Variants in KCND3 observed in about 807,000 individuals in gnomAD.
KCND3 encodes the protein potassium voltage-gated channel subfamily D member 3.
KCND3 carries 9 observed loss-of-function variants against 51.1 expected under a neutral mutation model. The observed-to-expected ratio is 0.18, with a 90% CI of 0.11 to 0.31. The LOEUF (loss-of-function observed/expected upper bound fraction) is 0.31. Ranked by LOEUF, KCND3 falls within the 10% of genes least tolerant of loss-of-function variation. The probability of loss-of-function intolerance (pLI) is 1.00; values close to 1 mark genes in which losing one functional copy is unlikely to be tolerated. For missense variants in KCND3, 526 were observed against 903.8 expected, an observed-to-expected ratio of 0.58 and a Z score of 5.36; for synonymous variants, 349 against 368.0, an observed-to-expected ratio of 0.95 and a Z score of 0.59.
chr1:111,771,611 T>C lies in KCND3; in HGVS notation c.*4466A>G, dbSNP rs1433498762. The stretch of plus-strand genomic sequence containing the variant: ...AGGAAAAACTCTTAAGTACATAATG[T>C]CCCAATGTACATTTTCCTTGTCTAC... On this transcript the variant is annotated 3_prime_UTR_variant, in exon 8 of 8. Transcript: ENST00000302127. 6.6e-6 allele frequency: 1 copy of C among 152,222 alleles called. No homozygotes were observed. The highest frequency in any genetic ancestry group is 1.9e-4 in the East Asian group (1 of 5,208). The allele number at this position is 152,222 out of a possible 1,614,324, so 9.4% of individuals were successfully genotyped here. A position where few individuals can be genotyped will look rare whatever the true frequency, so the allele number is the denominator to read the frequency against.
chr1:111,868,361 G>A (rs1049599623), intron 2 of KCND3, among the ~76,000 whole-genome samples: 13 of 152,146 alleles, frequency 8.5e-5, no homozygotes, highest in African/African-American at 3.1e-4. Context: ...CCCAGTGCTC[G>A]TGTTTAGGTA....
chr1:111,816,917 C>T lies in KCND3; in HGVS notation c.1107-29811G>A, dbSNP rs530682954. 7.9e-5 allele frequency among the ~76,000 whole-genome samples: 12 copies of T among 152,314 alleles called. No homozygotes were observed. The East Asian group carries it at 2.3e-3, about 29-fold the overall frequency. ...GGAAGCAACTGAGCTCTGAGACGCG[C>T]CTGTGTCTGGTGCAGTCCACAAGCA... On this transcript the variant is annotated intron_variant, in intron 2 of 7. Transcript: ENST00000302127.
chr1:111,856,876 G>T (rs1668098982), intron 2 of KCND3: 1 of 152,276 alleles, frequency 6.6e-6, no homozygotes, highest in African/African-American at 2.4e-5. Flanking sequence ...AGGAAGAGGG[G>T]GAGGGCCTCT....
intron 2 of KCND3, among the ~76,000 whole-genome samples, chr1:111,934,218 G>T (rs887202663): frequency 8.5e-5 from 13 of 152,158 alleles, no homozygotes; most frequent in Admixed American, 3.9e-4. Flanking sequence ...CAGCTGAAAG[G>T]CCTGCCCAAG....
intron 2 of KCND3, among the ~76,000 whole-genome samples, chr1:111,830,294 G>A (rs971592788): frequency 6.6e-6 from 1 of 152,168 alleles, no homozygotes; most frequent in Non-Finnish European, 1.5e-5. Flanking sequence ...CCAGATAAAG[G>A]CCTGTTTCTT....
chr1:111,890,105 T>C (rs1669761244), intron 2 of KCND3, among the ~76,000 whole-genome samples: 1 of 152,138 alleles, frequency 6.6e-6, no homozygotes, highest in South Asian at 2.1e-4. Context: ...GCTTTGCCTC[T>C]GGATGAAATG....
chr1:111,820,948 A>G (rs909663186), intron 2 of KCND3, among the ~76,000 whole-genome samples: 3 of 152,128 alleles, frequency 2.0e-5, no homozygotes, highest in African/African-American at 7.2e-5. Context: ...CTCCCTGAGA[A>G]CCTTCCAAGA....
At chr1:111,936,665 G>A (rs1672238155) in intron 2 of KCND3, among the ~76,000 whole-genome samples, 1 of 152,226 alleles carries the variant, frequency 6.6e-6, no homozygotes. Flanking sequence ...TTCACTGTGT[G>A]GGTGAGAGGC....
intron 2 of KCND3, among the ~76,000 whole-genome samples, chr1:111,834,059 A>G (rs1415670507): frequency 6.6e-6 from 1 of 152,210 alleles, no homozygotes; most frequent in Non-Finnish European, 1.5e-5. Context: ...TGAGATGGCC[A>G]CTTGAAGAGG....
At chr1:111,782,393 G>A (rs989373071) in intron 3 of KCND3, among the ~76,000 whole-genome samples, 2 of 151,694 alleles carry the variant, frequency 1.3e-5, no homozygotes, top group African/African-American at 4.9e-5. Flanking sequence ...TGATGAAGGA[G>A]AGAATAAAAA....
intron 2 of KCND3, among the ~76,000 whole-genome samples, chr1:111,797,356 T>C (rs1665099679): frequency 6.6e-6 from 1 of 152,150 alleles, no homozygotes; most frequent in African/African-American, 2.4e-5. Flanking sequence ...TGCCTGTTCA[T>C]CCAGAGGGAT....
chr1:111,940,195 G>GTT (rs922509636), intron 2 of KCND3, among the ~76,000 whole-genome samples: 4 of 138,442 alleles, frequency 2.9e-5, no homozygotes, highest in African/African-American at 1.1e-4. Flanking sequence ...TCTGATGATA[G>GTT]TTTTTTTTTT....
At chr1:111,826,465 C>G (rs551851076) in intron 2 of KCND3, among the ~76,000 whole-genome samples, 2 of 152,304 alleles carry the variant, frequency 1.3e-5, no homozygotes, top group South Asian at 2.1e-4. Flanking sequence ...GGACACGTGT[C>G]TGCTCTCATG....
In KCND3 at chr1:111,951,157, C is replaced by CAA. The variant is rs71081206; in HGVS notation, c.1106+30462_1106+30463dup. The stretch of plus-strand genomic sequence containing the variant: ...TGCACTCCAGCCTGGCAAACAAGAG[C>CAA]AAAAAAAAAAAAAAAAAAAAAAAAA... On this transcript the variant is annotated intron_variant, in intron 2 of 7. Transcript: ENST00000302127. 4.7e-3 allele frequency among the ~76,000 whole-genome samples: 145 copies of CAA among 30,632 alleles called. 9 individuals are homozygous for CAA. Among genetic ancestry groups the CAA allele is most frequent in the Non-Finnish European group, 5.7e-3 (72 of 12,522 alleles). The allele number at this position is 30,632 out of a possible 152,430, so 20.1% of individuals were successfully genotyped here. A position where few individuals can be genotyped will look rare whatever the true frequency, so the allele number is the denominator to read the frequency against.
intron 2 of KCND3, among the ~76,000 whole-genome samples, chr1:111,836,500 T>C (rs1393502937): frequency 6.6e-6 from 1 of 152,222 alleles, no homozygotes; most frequent in African/African-American, 2.4e-5. Context: ...TCTGTTGGAC[T>C]CTGTTAGTTG....
At chr1:111,903,491 A>C (rs1670490669) in intron 2 of KCND3, among the ~76,000 whole-genome samples, 1 of 152,246 alleles carries the variant, frequency 6.6e-6, no homozygotes, top group African/African-American at 2.4e-5. Context: ...GTGATGCTGC[A>C]GAGTGAAGCT....
At chr1:111,961,585 T>C (rs1211413366) in intron 2 of KCND3, among the ~76,000 whole-genome samples, 1 of 152,134 alleles carries the variant, frequency 6.6e-6, no homozygotes, top group Non-Finnish European at 1.5e-5. Context: ...CCATCTACTG[T>C]CTGAATACCT....
At chr1:111,787,130 T>A in intron 2 of KCND3, 24 bp from the exon 3 acceptor site, 1 of 1,613,358 alleles carries the variant, frequency 6.2e-7, no homozygotes. Flanking sequence ...AGAAACAGGG[T>A]GTAAGGGAGA....
intron 2 of KCND3, among the ~76,000 whole-genome samples, chr1:111,958,178 G>C (rs888441289): frequency 6.6e-6 from 1 of 152,198 alleles, no homozygotes; most frequent in African/African-American, 2.4e-5. Context: ...GAGTAGGACA[G>C]AGAGGTATTT....
Sources: gnomAD v4.1 joint callset for allele counts (sites outside exome capture counted in the v4.1 genomes callset) on GRCh38, gnomAD v4.1.1 for gene constraint, MANE v1.5 for transcripts, NCBI Gene and HGNC (gene_info 2026-07-23, HGNC 2026-07-21) for gene names.